The following KAT6A variants were observed in gnomAD, a reference collection of about 807,000 sequenced individuals.
KAT6A encodes the protein histone acetyltransferase KAT6A.
In KAT6A, 9 loss-of-function variants were observed where a neutral mutation model predicts 198.4. That is an observed-to-expected ratio of 0.05 (90% CI 0.03 to 0.08). The LOEUF (loss-of-function observed/expected upper bound fraction) is 0.08. Among genes scored for constraint, KAT6A ranks in the 10% least tolerant of loss-of-function variants. The pLI is 1.00. For missense variants in KAT6A, 2,077 were observed against 2,509.9 expected (o/e 0.83, Z 3.69); for synonymous variants, 890 against 883.0 (o/e 1.01, Z -0.14).
At chr8:41,961,254 C>T (rs1297290955) in intron 8 of KAT6A, among the ~76,000 whole-genome samples, 1 of 152,246 alleles carries the variant, frequency 6.6e-6, no homozygotes, top group Non-Finnish European at 1.5e-5. Flanking sequence ...TTGTGCCACA[C>T]ATCCTGCCTT....
Position 41,937,406 on chromosome 8 carries a change from C to A in KAT6A, c.3202G>T (p.Asp1068Tyr), listed in dbSNP as rs187168141. Residue 1068 changes from aspartate to tyrosine, a missense_variant, in exon 16 of 17, where the codon GAT (aspartate) becomes TAT (tyrosine). Physicochemically the swap from Asp to Tyr is radical, Grantham distance 160. Coordinates refer to ENST00000265713, the MANE Select transcript of KAT6A (RefSeq NM_006766.5). ...TCATCCTCTTCCTCCTCTTCTTCAT[C>A]GATCTCAAACGTGGGTTCTAATCTT... is the stretch of plus-strand genomic sequence containing the variant. ...MPRLEPTFEI[D>Y]EEEEEEDENE... 6.8e-6 allele frequency: 11 copies of A among 1,614,118 alleles called. No individual in the cohort carries two copies. In the East Asian group the frequency reaches 2.2e-4, roughly 33 times the overall value.
chr8:41,999,344 T>C (rs1825372588), intron 2 of KAT6A, among the ~76,000 whole-genome samples: 1 of 152,202 alleles, frequency 6.6e-6, no homozygotes, highest in African/African-American at 2.4e-5. Flanking sequence ...AAATACTGGA[T>C]GATATTTACA....
At chr8:41,988,153 G>C (rs1824723577) in intron 2 of KAT6A, among the ~76,000 whole-genome samples, 1 of 152,222 alleles carries the variant, frequency 6.6e-6, no homozygotes, top group African/African-American at 2.4e-5. Flanking sequence ...CAAATGTTAA[G>C]AGTGGTTTGT....
At chr8:41,977,664 T>C (rs1182268066) in intron 6 of KAT6A, among the ~76,000 whole-genome samples, 1 of 152,200 alleles carries the variant, frequency 6.6e-6, no homozygotes, top group African/African-American at 2.4e-5. Context: ...AAATGAGAAC[T>C]GGACTAAGAA....
intron 10 of KAT6A, 62 bp downstream of exon 10, chr8:41,949,160 G>GTTCACAATATAGGGCA: frequency 9.1e-7 from 1 of 1,098,450 alleles, no homozygotes; most frequent in Non-Finnish European, 1.3e-6. Flanking sequence ...CACAATAGAT[G>GTTCACAATATAGGGCA]CAATATAGGT....
chr8:41,992,175 T>C (rs1483446330), intron 2 of KAT6A, among the ~76,000 whole-genome samples: 2 of 150,240 alleles, frequency 1.3e-5, no homozygotes, highest in African/African-American at 4.9e-5. Flanking sequence ...CACCCCAGCC[T>C]AGCAACAGAG....
At chr8:42,041,568 T>C (rs1241399322) in intron 2 of KAT6A, among the ~76,000 whole-genome samples, 2 of 152,170 alleles carry the variant, frequency 1.3e-5, no homozygotes, top group Non-Finnish European at 2.9e-5. Flanking sequence ...TGAAACCCCA[T>C]TTCTATTAAA....
intron 9 of KAT6A, among the ~76,000 whole-genome samples, chr8:41,953,452 A>G (rs1822765115): frequency 6.6e-6 from 1 of 152,200 alleles, no homozygotes; most frequent in African/African-American, 2.4e-5. Flanking sequence ...AACCTGATGA[A>G]AAAATTAATT....
At chr8:42,042,904 G>A (rs1456589353) in intron 2 of KAT6A, among the ~76,000 whole-genome samples, 3 of 152,058 alleles carry the variant, frequency 2.0e-5, no homozygotes, top group Admixed American at 6.5e-5. Context: ...TTGAAATCAA[G>A]GTGAAAACTA....
intron 2 of KAT6A, among the ~76,000 whole-genome samples, chr8:42,036,655 C>T (rs1827393156): frequency 6.6e-6 from 1 of 151,962 alleles, no homozygotes; most frequent in Non-Finnish European, 1.5e-5. Flanking sequence ...AGTTTGCCAA[C>T]ATGATGCAGG....
At chr8:42,001,221 C>T (rs568325040) in intron 2 of KAT6A, among the ~76,000 whole-genome samples, 2 of 152,156 alleles carry the variant, frequency 1.3e-5, no homozygotes, top group East Asian at 3.9e-4. Context: ...TCCCTTTTTC[C>T]ACTCCCAGAG....
intron 3 of KAT6A, among the ~76,000 whole-genome samples, chr8:41,984,156 T>A (rs565677716): frequency 6.6e-6 from 1 of 152,242 alleles, no homozygotes; most frequent in Non-Finnish European, 1.5e-5. Context: ...GTCTCCAGGC[T>A]GCTCCCTAGG....
At chr8:41,946,527 C>CACACACACACACACACACAT (rs2150865457) in intron 12 of KAT6A, 64 bp downstream of exon 12, 1 of 787,382 alleles carries the variant, frequency 1.3e-6, no homozygotes, top group African/African-American at 1.8e-5. Context: ...CACACACACA[C>CACACACACACACACACACAT]ACACACACAC....
In KAT6A at chr8:41,934,254, G is replaced by A. The variant is rs1430027502; in HGVS notation, c.3966C>T (p.Gly1322=). ...DDHDADDEDD[G]HLESTKKKEL... is the part of the protein sequence containing the mutation. ...CCTTTTTCTTTGTGGACTCCAGGTG[G>A]CCATCATCCTCATCATCAGCGTCGT... The change falls in exon 17 of 17, where the codon GGC becomes GGT. Residue 1322 remains glycine, a synonymous_variant. Coordinates refer to ENST00000265713, the MANE Select transcript of KAT6A (RefSeq NM_006766.5). The A allele has an allele frequency of 1.5e-5, 24 of 1,613,924 alleles. No individual in the cohort carries two copies. The Admixed American group carries it at 4.0e-4, about 27-fold the overall frequency.
Position 42,027,290 on chromosome 8 carries a change from T to C in KAT6A, c.600+21088A>G, listed in dbSNP as rs1261127225. Among the ~76,000 whole-genome samples the C allele has an allele frequency of 2.6e-5, 4 of 152,246 alleles. No homozygotes were observed. In the South Asian group the frequency reaches 6.2e-4, roughly 24 times the overall value. On this transcript the variant is annotated intron_variant, in intron 2 of 16. Coordinates refer to ENST00000265713, the MANE Select transcript of KAT6A (RefSeq NM_006766.5). ...TCTGGATTTGGTATTGGGATAATGCTGGCCTTGTAGAGTGAGTTAGGAAGA... is the reference window on the plus strand; with the variant it reads ...TCTGGATTTGGTATTGGGATAATGCCGGCCTTGTAGAGTGAGTTAGGAAGA...
intron 9 of KAT6A, 87 bp downstream of exon 9, chr8:41,955,209 G>C: frequency 1.2e-6 from 1 of 827,256 alleles, no homozygotes; most frequent in Non-Finnish European, 2.1e-6. Context: ...TAAAGGATAA[G>C]GTGGACTCAA....
At chr8:42,018,100 CA>C (rs1457487626) in intron 2 of KAT6A, among the ~76,000 whole-genome samples, 1 of 152,166 alleles carries the variant, frequency 6.6e-6, no homozygotes, top group Non-Finnish European at 1.5e-5. Flanking sequence ...TATTTAATGT[CA>C]CCTTTCCTTT....
At chr8:42,049,952 C>T (rs964708867) in intron 1 of KAT6A, among the ~76,000 whole-genome samples, 2 of 152,124 alleles carry the variant, frequency 1.3e-5, no homozygotes, top group African/African-American at 4.8e-5. Context: ...AACAATAATC[C>T]ACTTTCATTC....
At chr8:42,004,053 T>C (rs2150904278) in intron 2 of KAT6A, among the ~76,000 whole-genome samples, 1 of 152,364 alleles carries the variant, frequency 6.6e-6, no homozygotes, top group African/African-American at 2.4e-5. Flanking sequence ...CCTCATACTA[T>C]TCATATCCTC....
Sources: gnomAD v4.1 joint callset for allele counts (sites outside exome capture counted in the v4.1 genomes callset) on GRCh38, gnomAD v4.1.1 for gene constraint, MANE v1.5 for transcripts, NCBI Gene and HGNC (gene_info 2026-07-23, HGNC 2026-07-21) for gene names.